The following PTPRE variants were observed in gnomAD, a reference collection of about 807,000 sequenced individuals.
PTPRE encodes the protein receptor-type tyrosine-protein phosphatase epsilon.
PTPRE carries 51 observed loss-of-function variants against 102.0 expected under a neutral mutation model. That is an observed-to-expected ratio of 0.50 (90% CI 0.40 to 0.63). The LOEUF is 0.63. PTPRE is among the 30% of genes least tolerant of loss of function. The pLI is 0.00. For missense variants in PTPRE, 752 were observed against 915.1 expected (o/e 0.82, Z 2.30); for synonymous variants, 345 against 348.2 (o/e 0.99, Z 0.10).
At chr10:128,049,955 T>G (rs1848423237) in intron 6 of PTPRE, among the ~76,000 whole-genome samples, 1 of 152,178 alleles carries the variant, frequency 6.6e-6, no homozygotes, top group East Asian at 1.9e-4. Flanking sequence ...GAAACACTGT[T>G]ATCTCGATAA....
At position 128,066,130 on chromosome 10, in the gene PTPRE, G is replaced by T. The variant is rs768793576; in HGVS notation, c.779G>T (p.Arg260Leu). The change falls in exon 11 of 21, where the codon CGG (arginine) becomes CTG (leucine). Residue 260 changes from arginine to leucine, a missense_variant. Physicochemically the swap from Arg to Leu is moderately radical, Grantham distance 102. This residue lies in a region of PTPRE where 636 missense variants were observed against 824.4 expected (regional missense o/e 0.77). Coordinates refer to ENST00000254667, the MANE Select transcript of PTPRE (RefSeq NM_006504.6). The part of the protein sequence containing the change: ...DQGCWTYGNI[R>L]VCVEDCVVLV... ...GGCTGCTGGACCTATGGAAACATCCGGGTGTGCGTGGAGGACTGCGTGGTT... is the reference window on the plus strand; with the variant it reads ...GGCTGCTGGACCTATGGAAACATCCTGGTGTGCGTGGAGGACTGCGTGGTT... 2.5e-6 allele frequency: 4 copies of T among 1,614,224 alleles called. No individual in the cohort carries two copies. The Admixed American group carries it at 5.0e-5, about 20-fold the overall frequency.
chr10:128,002,527 G>A (rs918444700), intron 2 of PTPRE, among the ~76,000 whole-genome samples: 2 of 152,036 alleles, frequency 1.3e-5, no homozygotes, highest in African/African-American at 4.8e-5. Flanking sequence ...AGTGATACCA[G>A]AAGGATGGAT....
Position 128,039,287 on chromosome 10 carries a change from T to C in PTPRE, c.-7-1588T>C, listed in dbSNP as rs1847472785. On this transcript the variant is annotated intron_variant, in intron 2 of 20. Coordinates refer to ENST00000254667, the MANE Select transcript of PTPRE (RefSeq NM_006504.6). ...TGTCTCCAGGGTTCCTGGGTTCAAATCACAGTTCCTCCATATCCTCCAGCC... is the reference window on the plus strand; with the variant it reads ...TGTCTCCAGGGTTCCTGGGTTCAAACCACAGTTCCTCCATATCCTCCAGCC... Among the ~76,000 whole-genome samples, 8 of 152,294 alleles carry C rather than the reference T, an allele frequency of 5.3e-5. No homozygotes were observed. In the South Asian group the frequency reaches 1.7e-3, roughly 32 times the overall value.
chr10:128,051,655 G>A (rs1036529536), intron 6 of PTPRE, among the ~76,000 whole-genome samples: 1 of 152,182 alleles, frequency 6.6e-6, no homozygotes, highest in Non-Finnish European at 1.5e-5. Flanking sequence ...GAATTTTGGG[G>A]GCACCCCATT....
At chr10:127,987,362 A>T in intron 2 of PTPRE, 1 of 1,283,938 alleles carries the variant, frequency 7.8e-7, no homozygotes, top group Non-Finnish European at 1.0e-6. Flanking sequence ...CAAGGCCAGG[A>T]TGGTTTCCCA....
chr10:128,065,155 C>T (rs1476072314), intron 10 of PTPRE, among the ~76,000 whole-genome samples: 4 of 152,296 alleles, frequency 2.6e-5, no homozygotes, highest in African/African-American at 7.2e-5. Flanking sequence ...GGGAAGTTGT[C>T]GGTAGCCGTC....
At chr10:127,982,200 A>G (rs1211923676) in intron 1 of PTPRE, 74 bp from the exon 2 acceptor site, 9 of 986,280 alleles carry the variant, frequency 9.1e-6, no homozygotes, top group Non-Finnish European at 1.2e-5. Context: ...GCTGTACAGA[A>G]GGAAATGGCT....
intron 7 of PTPRE, 36 bp from the exon 8 acceptor site, chr10:128,060,903 C>A: frequency 6.3e-7 from 1 of 1,585,236 alleles, no homozygotes; most frequent in South Asian, 1.1e-5. Flanking sequence ...GATTCCTGGT[C>A]CTAATATCTT....
chr10:127,910,081 A>C (rs2135122788), intron 1 of PTPRE, among the ~76,000 whole-genome samples: 1 of 152,338 alleles, frequency 6.6e-6, no homozygotes, highest in African/African-American at 2.4e-5. Context: ...AGTCACCCTC[A>C]CAGAAGTTCT....
At chr10:128,016,569 C>T (rs1192043980) in intron 2 of PTPRE, among the ~76,000 whole-genome samples, 2 of 151,470 alleles carry the variant, frequency 1.3e-5, no homozygotes, top group Admixed American at 6.6e-5. Flanking sequence ...CAGGGAACAG[C>T]GTGGGCCAGG....
At chr10:127,938,362 C>T (rs1847978975) in intron 1 of PTPRE, among the ~76,000 whole-genome samples, 1 of 152,000 alleles carries the variant, frequency 6.6e-6, no homozygotes. Context: ...AAGTTATAGT[C>T]TCCTAGGAGA....
chr10:128,084,715 C>T lies in PTPRE; in HGVS notation c.*1809C>T, dbSNP rs556843081. ...CACCATTAAAATTCCAAACCCAAAG[C>T]CTTTGTTTGACTGAAGGAGAAGAGA... is the stretch of plus-strand genomic sequence containing the variant. On this transcript the variant is annotated 3_prime_UTR_variant, in exon 21 of 21. Coordinates refer to ENST00000254667, the MANE Select transcript of PTPRE (RefSeq NM_006504.6). The T allele has an allele frequency of 1.9e-5, 3 of 153,946 alleles. No homozygotes were observed. The highest frequency in any genetic ancestry group is 1.3e-4 in the Admixed American group (2 of 15,416). 9.5% of individuals were successfully genotyped at this position (153,946 alleles called of 1,614,324 possible).
At chr10:128,072,356 C>A in intron 16 of PTPRE, 142 bp downstream of exon 16, 2 of 779,778 alleles carry the variant, frequency 2.6e-6, no homozygotes, top group Admixed American at 3.1e-5. Context: ...GAATTACTTG[C>A]TTAAAAAAAA....
intron 3 of PTPRE, among the ~76,000 whole-genome samples, chr10:128,045,831 T>G (rs2135827889): frequency 6.6e-6 from 1 of 152,288 alleles, no homozygotes; most frequent in South Asian, 2.1e-4. Flanking sequence ...GAACCTTGTG[T>G]GGGGCCAGAA....
At chr10:128,020,672 T>G (rs1001331545) in intron 2 of PTPRE, among the ~76,000 whole-genome samples, 4 of 152,330 alleles carry the variant, frequency 2.6e-5, no homozygotes, top group Middle Eastern at 3.4e-3. Context: ...CTTACTCTTC[T>G]GCTCACTGCC....
intron 6 of PTPRE, 147 bp from the exon 7 acceptor site, chr10:128,055,976 G>A: frequency 4.7e-6 from 3 of 642,630 alleles, no homozygotes; most frequent in East Asian, 5.3e-5. Context: ...CCCATGCCTG[G>A]TGCAAGGTCT....
intron 9 of PTPRE, 60 bp from the exon 10 acceptor site, chr10:128,063,023 G>A: frequency 6.2e-7 from 1 of 1,603,576 alleles, no homozygotes; most frequent in Non-Finnish European, 8.5e-7. Context: ...TGCCGGGGCT[G>A]GGACCCCAAA....
chr10:128,056,024 C>T (rs1848933372), intron 6 of PTPRE, 99 bp from the exon 7 acceptor site: 1 of 931,568 alleles, frequency 1.1e-6, no homozygotes, highest in African/African-American at 1.6e-5. Context: ...GTAGTTTGCT[C>T]CACGTGTTTT....
At chr10:127,957,277 A>AT (rs966844404) in intron 1 of PTPRE, among the ~76,000 whole-genome samples, 2 of 150,158 alleles carry the variant, frequency 1.3e-5, no homozygotes, top group African/African-American at 4.9e-5. Context: ...GTGTAGATTC[A>AT]TTTTTTGCAT....
Sources: allele counts gnomAD v4.1 joint callset (sites outside exome capture counted in the v4.1 genomes callset), GRCh38; gene constraint gnomAD v4.1.1; regional missense constraint gnomAD v4.1.1; transcripts MANE v1.5; gene names NCBI Gene and HGNC (gene_info 2026-07-23, HGNC 2026-07-21).